TAOK3: variants seen among roughly 807,000 people sequenced by gnomAD.
TAOK3 encodes the protein TAO kinase 3.
TAOK3 carries 40 observed loss-of-function variants against 120.4 expected under a neutral mutation model. The observed-to-expected ratio is 0.33, with a 90% CI of 0.26 to 0.43. The LOEUF is 0.43. Ranked by LOEUF, TAOK3 falls within the 20% of genes least tolerant of loss-of-function variation. The probability of loss-of-function intolerance (pLI) is 1.00; values close to 1 mark genes in which losing one functional copy is unlikely to be tolerated. For synonymous variants in TAOK3, 355 were observed against 387.5 expected, an observed-to-expected ratio of 0.92 and a Z score of 0.99; for missense variants, 821 against 1,112.1, an observed-to-expected ratio of 0.74 and a Z score of 3.72.
intron 2 of TAOK3, among the ~76,000 whole-genome samples, chr12:118,261,924 G>C (rs1183293786): frequency 6.6e-6 from 1 of 151,966 alleles, no homozygotes; most frequent in African/African-American, 2.4e-5. Flanking sequence ...GCAGTGGCAC[G>C]ATCTTGGCTC....
intron 11 of TAOK3, among the ~76,000 whole-genome samples, chr12:118,202,773 CTTTTTTTT>C (rs58282262): frequency 9.9e-6 from 1 of 100,636 alleles, no homozygotes; most frequent in East Asian, 4.2e-4. Flanking sequence ...ATAGTCTATT[CTTTTTTTT>C]TTTTTTTTTT....
chr12:118,175,163 C>T (rs1237805210), intron 16 of TAOK3, among the ~76,000 whole-genome samples: 1 of 152,156 alleles, frequency 6.6e-6, no homozygotes. Context: ...ACCCATTCAG[C>T]CAGTGTAAAT....
chr12:118,275,349 G>A (rs1215524612), intron 1 of TAOK3, among the ~76,000 whole-genome samples: 1 of 151,844 alleles, frequency 6.6e-6, no homozygotes, highest in Non-Finnish European at 1.5e-5. Flanking sequence ...TGCCCAGACT[G>A]GTCTCCAACT....
intron 9 of TAOK3, 144 bp from the exon 10 acceptor site, chr12:118,214,254 T>A: frequency 1.6e-6 from 1 of 626,604 alleles, no homozygotes; most frequent in South Asian, 2.1e-5. Flanking sequence ...TTTTAATCTC[T>A]AAGGTTGGCC....
At chr12:118,247,390 C>T (rs2040560890) in intron 3 of TAOK3, among the ~76,000 whole-genome samples, 1 of 151,990 alleles carries the variant, frequency 6.6e-6, no homozygotes, top group Admixed American at 6.6e-5. Flanking sequence ...CTCCATACTC[C>T]AAATGTAACA....
chr12:118,252,256 A>G (rs183792515), intron 3 of TAOK3, among the ~76,000 whole-genome samples: 68 of 152,324 alleles, frequency 4.5e-4, no homozygotes, highest in African/African-American at 1.6e-3. Flanking sequence ...TAAGCAAAAC[A>G]AACAGGTCAC....
At chr12:118,310,507 T>C (rs1176086458) in intron 1 of TAOK3, among the ~76,000 whole-genome samples, 1 of 152,176 alleles carries the variant, frequency 6.6e-6, no homozygotes, top group African/African-American at 2.4e-5. Flanking sequence ...TTGGGGAGTA[T>C]CCCTAAACTG....
intron 1 of TAOK3, among the ~76,000 whole-genome samples, chr12:118,276,099 G>C (rs548401157): frequency 2.6e-5 from 4 of 152,328 alleles, no homozygotes; most frequent in Non-Finnish European, 4.4e-5. Context: ...CATTTCATGA[G>C]AGATGCCACT....
At chr12:118,195,783 C>T (rs1328987119) in intron 13 of TAOK3, among the ~76,000 whole-genome samples, 2 of 152,074 alleles carry the variant, frequency 1.3e-5, no homozygotes, top group Non-Finnish European at 2.9e-5. Flanking sequence ...AGTCGCAGTG[C>T]CTCATGCCTG....
intron 17 of TAOK3, among the ~76,000 whole-genome samples, chr12:118,171,696 G>A (rs762159489): frequency 6.6e-6 from 1 of 152,138 alleles, no homozygotes. Flanking sequence ...GTCTCATCAT[G>A]TCATTACCCT....
chr12:118,274,273 T>C (rs887427543), intron 1 of TAOK3, among the ~76,000 whole-genome samples: 24 of 152,196 alleles, frequency 1.6e-4, no homozygotes, highest in African/African-American at 5.5e-4. Context: ...TAGCTGCTTT[T>C]TATGCCACTA....
chr12:118,302,237 C>G (rs2042908810), intron 1 of TAOK3, among the ~76,000 whole-genome samples: 2 of 152,156 alleles, frequency 1.3e-5, no homozygotes, highest in South Asian at 4.1e-4. Context: ...GGAAGCAGAG[C>G]AAAAATGCTG....
At chr12:118,270,420 C>A (rs1219598606) in intron 1 of TAOK3, among the ~76,000 whole-genome samples, 1 of 152,148 alleles carries the variant, frequency 6.6e-6, no homozygotes, top group Non-Finnish European at 1.5e-5. Context: ...CAAAATCTCA[C>A]TACTTCCTAT....
chr12:118,299,313 A>G (rs2042790959), intron 1 of TAOK3, among the ~76,000 whole-genome samples: 1 of 152,210 alleles, frequency 6.6e-6, no homozygotes, highest in Non-Finnish European at 1.5e-5. Flanking sequence ...AACATTCAAC[A>G]AACTCATATA....
chr12:118,187,468 T>A (rs1002002012), intron 14 of TAOK3, among the ~76,000 whole-genome samples: 3 of 152,204 alleles, frequency 2.0e-5, no homozygotes, highest in African/African-American at 7.2e-5. Flanking sequence ...ACTGTTGGCA[T>A]TAGGCTTTAA....
At chr12:118,301,181 C>T (rs2042867738) in intron 1 of TAOK3, among the ~76,000 whole-genome samples, 1 of 152,192 alleles carries the variant, frequency 6.6e-6, no homozygotes, top group African/African-American at 2.4e-5. Context: ...TCCACACACA[C>T]CTGCCAGGGT....
intron 2 of TAOK3, among the ~76,000 whole-genome samples, chr12:118,260,424 C>T (rs2041176337): frequency 6.6e-6 from 1 of 152,098 alleles, no homozygotes; most frequent in African/African-American, 2.4e-5. Context: ...GTAAAATTCA[C>T]AATATCTAAC....
At chr12:118,248,148 A>C (rs771443893) in intron 3 of TAOK3, among the ~76,000 whole-genome samples, 8 of 151,994 alleles carry the variant, frequency 5.3e-5, no homozygotes, top group Non-Finnish European at 8.8e-5. Flanking sequence ...AACAATAAAC[A>C]ATAATGTAGT....
At chr12:118,155,399 C>T (rs2138255161) in intron 19 of TAOK3, among the ~76,000 whole-genome samples, 1 of 152,302 alleles carries the variant, frequency 6.6e-6, no homozygotes, top group East Asian at 1.9e-4. Flanking sequence ...TGACAGAGAC[C>T]CTGTGGTCCA....
Sources: allele counts gnomAD v4.1 joint callset (sites outside exome capture counted in the v4.1 genomes callset), GRCh38; gene constraint gnomAD v4.1.1; transcripts MANE v1.5; gene names NCBI Gene and HGNC (gene_info 2026-07-23, HGNC 2026-07-21).